The following SH3RF3 variants were observed in gnomAD, a reference collection of about 807,000 sequenced individuals.
SH3RF3 encodes the protein E3 ubiquitin-protein ligase SH3RF3.
In SH3RF3, 29 loss-of-function variants were observed where a neutral mutation model predicts 66.3. The ratio of observed to expected loss-of-function variants is 0.44; its 90% confidence interval spans 0.33 to 0.60. The LOEUF (loss-of-function observed/expected upper bound fraction) is 0.60, where lower values mean the gene tolerates loss of function less well. Among genes scored for constraint, SH3RF3 ranks in the 20% least tolerant of loss-of-function variants. The probability of loss-of-function intolerance (pLI) is 0.04; values close to 1 mark genes in which losing one functional copy is unlikely to be tolerated. For synonymous variants in SH3RF3, 583 were observed against 532.0 expected, an observed-to-expected ratio of 1.10 and a Z score of -1.32; for missense variants, 1,194 against 1,190.9, an observed-to-expected ratio of 1.00 and a Z score of -0.04.
At chr2:109,501,320 T>G (rs1289908478) in intron 9 of SH3RF3, among the ~76,000 whole-genome samples, 183 bp from the exon 10 acceptor site, 1 of 152,124 alleles carries the variant, frequency 6.6e-6, no homozygotes, top group Non-Finnish European at 1.5e-5. Context: ...TTAAATTTTT[T>G]TTATTAAAAA....
rs576729699 is a variant in SH3RF3 at position 109,368,394 on chromosome 2, T to C, written c.850-3192T>C. Among the ~76,000 whole-genome samples, 16 of 152,346 alleles carry C rather than the reference T, an allele frequency of 1.1e-4. No homozygotes were observed. The South Asian group carries it at 3.3e-3, about 32-fold the overall frequency. On this transcript the variant is annotated intron_variant, in intron 2 of 9. Coordinates refer to ENST00000309415, the MANE Select transcript of SH3RF3 (RefSeq NM_001099289.3). ...CTTGGACATTCAAGTTTAATCCTTA[T>C]GGAATGAATTTTGGCATATACAGTG...
At chr2:109,227,251 T>C (rs539760976) in intron 1 of SH3RF3, among the ~76,000 whole-genome samples, 73 of 152,230 alleles carry the variant, frequency 4.8e-4, no homozygotes, top group African/African-American at 1.7e-3. Context: ...GGGAAGGAGC[T>C]AAGAGAAAAT....
intron 1 of SH3RF3, among the ~76,000 whole-genome samples, chr2:109,324,915 C>T (rs1178558114): frequency 6.6e-6 from 1 of 152,198 alleles, no homozygotes; most frequent in Non-Finnish European, 1.5e-5. Flanking sequence ...TTCCCCAAAC[C>T]CTCTCCTCTT....
At chr2:109,342,663 G>A (rs1232784085) in intron 1 of SH3RF3, among the ~76,000 whole-genome samples, 1 of 152,222 alleles carries the variant, frequency 6.6e-6, no homozygotes, top group Non-Finnish European at 1.5e-5. Context: ...TTACTCAGGG[G>A]TACGGCTTGC....
intron 3 of SH3RF3, among the ~76,000 whole-genome samples, chr2:109,379,698 T>G (rs1184678262): frequency 2.0e-5 from 3 of 152,162 alleles, no homozygotes; most frequent in Non-Finnish European, 4.4e-5. Context: ...CCAGCCTTAG[T>G]GTGGATGCCA....
At chr2:109,175,050 C>T (rs1026629798) in intron 1 of SH3RF3, among the ~76,000 whole-genome samples, 2 of 152,068 alleles carry the variant, frequency 1.3e-5, no homozygotes, top group African/African-American at 4.8e-5. Context: ...TTGAGTCGCA[C>T]AGCAAAATCC....
chr2:109,408,554 C>T (rs1216574515), intron 4 of SH3RF3, among the ~76,000 whole-genome samples: 2 of 152,238 alleles, frequency 1.3e-5, no homozygotes, highest in African/African-American at 2.4e-5. Context: ...CTCAGGACCT[C>T]GTCCTCCCAT....
chr2:109,348,013 C>G (rs1262530225), intron 2 of SH3RF3, 64 bp downstream of exon 2: 2 of 1,526,760 alleles, frequency 1.3e-6, no homozygotes, highest in South Asian at 2.5e-5. Flanking sequence ...CAGGGCTCTT[C>G]CCAGCCACAG....
chr2:109,169,599 A>C (rs765630092), intron 1 of SH3RF3, among the ~76,000 whole-genome samples: 7 of 152,130 alleles, frequency 4.6e-5, no homozygotes, highest in Non-Finnish European at 7.4e-5. Flanking sequence ...AAACTGACCG[A>C]GCTTAGCAAG....
chr2:109,258,961 C>T (rs986999270), intron 1 of SH3RF3, among the ~76,000 whole-genome samples: 6 of 152,202 alleles, frequency 3.9e-5, no homozygotes, highest in African/African-American at 7.2e-5. Context: ...ATTCTGCCCA[C>T]GGGGCATCCG....
intron 4 of SH3RF3, among the ~76,000 whole-genome samples, chr2:109,403,499 C>T (rs934264144): frequency 6.6e-6 from 1 of 152,262 alleles, no homozygotes; most frequent in Admixed American, 6.5e-5. Flanking sequence ...TCCAGGGCCC[C>T]ACTCTTGTCA....
At chr2:109,304,594 CTATCTT>C (rs1045862824) in intron 1 of SH3RF3, among the ~76,000 whole-genome samples, 1 of 152,324 alleles carries the variant, frequency 6.6e-6, no homozygotes, top group Non-Finnish European at 1.5e-5. Flanking sequence ...CCCTCACCCT[CTATCTT>C]TAAGTTCAGA....
chr2:109,501,139 G>A (rs1679373760), intron 9 of SH3RF3, among the ~76,000 whole-genome samples: 1 of 151,930 alleles, frequency 6.6e-6, no homozygotes, highest in South Asian at 2.1e-4. Context: ...AGTTTTTCCT[G>A]ACCCTCCCCC....
intron 9 of SH3RF3, among the ~76,000 whole-genome samples, chr2:109,497,626 CTG>C (rs973288267): frequency 9.9e-5 from 15 of 152,276 alleles, no homozygotes; most frequent in African/African-American, 3.6e-4. Context: ...CAACGGCGCT[CTG>C]TGTCTATAAC....
At chr2:109,452,945 C>A (rs1034988580) in intron 8 of SH3RF3, among the ~76,000 whole-genome samples, 1 of 149,040 alleles carries the variant, frequency 6.7e-6, no homozygotes, top group Non-Finnish European at 1.5e-5. Flanking sequence ...AGGCTGGTGC[C>A]GGGAGGCTGG....
At chr2:109,416,883 C>T (rs1261068429) in intron 4 of SH3RF3, among the ~76,000 whole-genome samples, 2 of 141,546 alleles carry the variant, frequency 1.4e-5, no homozygotes, top group African/African-American at 5.4e-5. Flanking sequence ...CCAGCCTGGG[C>T]GACAGAGTGA....
chr2:109,253,413 A>T (rs1034828685), intron 1 of SH3RF3, among the ~76,000 whole-genome samples: 2 of 152,130 alleles, frequency 1.3e-5, no homozygotes, highest in African/African-American at 2.4e-5. Context: ...GGCTGTGTCC[A>T]TGTGGTTTCA....
chr2:109,415,463 G>T (rs980170445), intron 4 of SH3RF3, among the ~76,000 whole-genome samples: 1 of 152,154 alleles, frequency 6.6e-6, no homozygotes, highest in African/African-American at 2.4e-5. Context: ...ACCATCACGG[G>T]TGCTACAGTC....
At chr2:109,458,780 C>A (rs1237121317) in intron 8 of SH3RF3, among the ~76,000 whole-genome samples, 3 of 152,222 alleles carry the variant, frequency 2.0e-5, no homozygotes, top group African/African-American at 7.2e-5. Flanking sequence ...GCGAGGCCCA[C>A]CCACATTATC....
Sources: allele counts gnomAD v4.1 joint callset (sites outside exome capture counted in the v4.1 genomes callset), GRCh38; gene constraint gnomAD v4.1.1; transcripts MANE v1.5; gene names NCBI Gene and HGNC (gene_info 2026-07-23, HGNC 2026-07-21).